Variants in RAI1 observed in about 807,000 individuals in gnomAD.
The protein encoded by RAI1 is retinoic acid-induced protein 1.
A neutral mutation model predicts 123.8 loss-of-function variants in RAI1; 9 were observed. The ratio of observed to expected loss-of-function variants is 0.07; its 90% CI spans 0.04 to 0.13. The LOEUF is 0.13. Ranked by LOEUF, RAI1 falls within the 10% of genes least tolerant of loss-of-function variation. The pLI is 1.00. For missense variants in RAI1, 2,256 were observed against 2,545.8 expected (o/e 0.89, Z 2.45); for synonymous variants, 1,231 against 1,127.3 (o/e 1.09, Z -1.84).
chr17:17,787,561 C>T (rs1201566939), intron 2 of RAI1, among the ~76,000 whole-genome samples: 1 of 152,258 alleles, frequency 6.6e-6, no homozygotes, highest in Non-Finnish European at 1.5e-5. Flanking sequence ...ATGCCTGCAG[C>T]TGCTGTGGAA....
chr17:17,802,035 C>G (rs748785689), intron 3 of RAI1: 1 of 470,418 alleles, frequency 2.1e-6, no homozygotes, highest in South Asian at 1.5e-5. Context: ...ACCCCCCGCC[C>G]CCAGCACGGT....
At position 17,799,697 on chromosome 17, in the gene RAI1, C is replaced by T. The variant is rs942405007; in HGVS notation, c.5565+1184C>T. 2.6e-5 allele frequency among the ~76,000 whole-genome samples: 4 copies of T among 152,200 alleles called. No homozygotes were observed. The highest frequency in any genetic ancestry group is 7.2e-5 in the African/African-American group (3 of 41,446). On this transcript the variant is annotated intron_variant, in intron 3 of 5. Coordinates refer to ENST00000353383, the MANE Select transcript of RAI1 (RefSeq NM_030665.4). The surrounding 1 kb of genome is among the most constrained non-coding windows in gnomAD (Gnocchi z 4.5). Reference sequence around the variant, plus strand: ...GGCTTGGCAGGGGTCTCCAGAGGCCCTGGACAAACACTGCCTGCATCTGAG... The same window carrying T: ...GGCTTGGCAGGGGTCTCCAGAGGCCTTGGACAAACACTGCCTGCATCTGAG...
intron 1 of RAI1, among the ~76,000 whole-genome samples, chr17:17,713,335 C>A (rs2142909089): frequency 6.6e-6 from 1 of 152,120 alleles, no homozygotes; most frequent in East Asian, 1.9e-4. Flanking sequence ...ATAGTGAGAT[C>A]CTGTCTCTAA....
rs191924260 is a variant in RAI1, at chr17:17,708,966, C to T, written c.-148-15062C>T. ...GCACAAAGGGAACAGTTCGTCAGTC[C>T]ACCACGGGCCTTTCCTATCCTCAGT... On this transcript the variant is annotated intron_variant, in intron 1 of 5. Transcript: ENST00000353383. Among the ~76,000 whole-genome samples the T allele has an allele frequency of 2.8e-3, 432 of 152,356 alleles. 2 individuals are homozygous for T. The highest frequency in any genetic ancestry group is 9.6e-3 in the African/African-American group (398 of 41,576).
intron 1 of RAI1, among the ~76,000 whole-genome samples, chr17:17,686,608 T>TGTGTGTGTGCGCGC (rs1491248703): frequency 1.2e-4 from 16 of 137,850 alleles, no homozygotes; most frequent in East Asian, 2.4e-4. Context: ...TGTGTGTGTG[T>TGTGTGTGTGCGCGC]GCACGCGCGC....
rs2032140834 is a variant in RAI1 at position 17,794,200 on chromosome 17, CAGA to C, written c.1255_1257del (p.Lys419del). 8.1e-6 allele frequency: 13 copies of C among 1,613,562 alleles called. No homozygotes were observed. Among genetic ancestry groups the C allele is most frequent in the Non-Finnish European group, 1.0e-5 (12 of 1,180,054 alleles). ...CCAGGCTGGCAACTGCAAGCCCCTT[CAGA>C]AGGACAAGCTCCCTGAGAACCTGCT... On this transcript the variant is annotated inframe_deletion, in exon 3 of 6. Transcript: ENST00000353383.
chr17:17,803,863 C>A lies in RAI1; in HGVS notation c.5659+14C>A. The A allele has an allele frequency of 6.2e-7, 1 of 1,610,280 alleles. No homozygotes were observed. The highest frequency in any genetic ancestry group is 8.5e-7 in the Non-Finnish European group (1 of 1,177,208). ...CCAGCGATGCAGGTACGAGCCCGCC[C>A]AGGAACAGGAGGGCATTGGAGCCCA... On this transcript the variant is annotated intron_variant, in intron 4 of 5. Transcript: ENST00000353383.
chr17:17,766,285 G>C (rs2030927889), intron 2 of RAI1: 1 of 152,362 alleles, frequency 6.6e-6, no homozygotes, highest in East Asian at 1.9e-4. Context: ...GGGTGTCTGG[G>C]AAGCCGAGGG....
At chr17:17,764,583 G>A (rs557744219) in intron 2 of RAI1, among the ~76,000 whole-genome samples, 5 of 149,712 alleles carry the variant, frequency 3.3e-5, no homozygotes, top group Non-Finnish European at 7.4e-5. Context: ...AGCAATTCTC[G>A]TGCCTCGGCC....
Position 17,809,407 on chromosome 17 carries a change from G to A in RAI1, c.5677G>A (p.Glu1893Lys). The A allele has an allele frequency of 6.2e-7, 1 of 1,609,938 alleles. No individual in the cohort carries two copies. The highest frequency in any genetic ancestry group is 8.5e-7 in the Non-Finnish European group (1 of 1,176,328). Reference protein sequence around the residue: ...ASDAGCIFIEENFSLKCPKHK... With the variant: ...ASDAGCIFIEKNFSLKCPKHK... ...GGTCACAGGTTGCATATTCATCGAA[G>A]AGAACTTTTCTTTGAAATGTCCCAA... is the stretch of plus-strand genomic sequence containing the variant. The change falls in exon 5 of 6, where the codon GAG becomes AAG. Residue 1893 changes from glutamate (E) to lysine (K), a missense_variant. Physicochemically the swap from Glu to Lys is moderately conservative, Grantham distance 56. Coordinates refer to ENST00000353383, the MANE Select transcript of RAI1 (RefSeq NM_030665.4). This position sits in a 1 kb window ranked among gnomAD's most constrained non-coding sequence, Gnocchi z 4.9.
At chr17:17,692,924 C>T (rs1448513636) in intron 1 of RAI1, among the ~76,000 whole-genome samples, 1 of 152,192 alleles carries the variant, frequency 6.6e-6, no homozygotes, top group Non-Finnish European at 1.5e-5. Flanking sequence ...TGCAATATCT[C>T]TGTGCCTATC....
Position 17,797,911 on chromosome 17 carries a change from G to A in RAI1, c.4963G>A (p.Gly1655Ser), listed in dbSNP as rs794727522. ...GGCCTCCCTGGCCACACTCCCTGGA[G>A]GCTCCATCCTGCAGCCGCGGCCCTC... ...AGASLATLPGGSILQPRPSLP... is the reference protein window; with the variant it reads ...AGASLATLPGSSILQPRPSLP... Residue 1655 changes from glycine (G) to serine (S), a missense_variant, in exon 3 of 6, where the codon GGC becomes AGC. This residue lies in a region of RAI1 where 410 missense variants were observed against 374.6 expected (regional missense o/e 1.09). Transcript: ENST00000353383. 3 of 1,613,838 alleles carry A rather than the reference G, an allele frequency of 1.9e-6. No homozygotes were observed. In the African/African-American group the frequency reaches 4.0e-5, roughly 22 times the overall value.
chr17:17,687,604 G>T (rs1374650347), intron 1 of RAI1, among the ~76,000 whole-genome samples: 1 of 152,162 alleles, frequency 6.6e-6, no homozygotes, highest in African/African-American at 2.4e-5. Context: ...TCGGGGTAGG[G>T]GAAGGAGCAC....
intron 2 of RAI1, among the ~76,000 whole-genome samples, chr17:17,779,771 CTTTTTT>C (rs35262127): frequency 4.6e-5 from 5 of 107,958 alleles, no homozygotes; most frequent in Admixed American, 9.4e-5. Context: ...CCTCCCCACC[CTTTTTT>C]TTTTTTTTTT....
intron 4 of RAI1, among the ~76,000 whole-genome samples, chr17:17,805,096 C>T (rs1315379798): frequency 6.6e-6 from 1 of 152,030 alleles, no homozygotes; most frequent in East Asian, 1.9e-4. Flanking sequence ...CTCTTGACCT[C>T]GTGATCCGCC....
rs868217057 is a variant in RAI1, at chr17:17,796,990, G to A, written c.4042G>A (p.Ala1348Thr). Residue 1348 changes from alanine (A) to threonine (T), a missense_variant, in exon 3 of 6, where the codon GCG becomes ACG. By Grantham distance (58) the Ala-to-Thr change is moderately conservative. Transcript: ENST00000353383. The surrounding 1 kb of genome is among the most constrained non-coding windows in gnomAD (Gnocchi z 5.8). ...SPSLKKFACK[A>T]PGASPGNPLS... ...CAGCCTCAAGAAGTTCGCATGTAAA[G>A]CGCCAGGGGCCTCTCCTGGTAATCC... is the stretch of plus-strand genomic sequence containing the variant. 1.2e-6 allele frequency: 2 copies of A among 1,613,856 alleles called. No individual in the cohort carries two copies. Among genetic ancestry groups the A allele is most frequent in the African/African-American group, 2.7e-5 (2 of 75,044 alleles).
At chr17:17,787,232 G>T (rs2031855904) in intron 2 of RAI1, among the ~76,000 whole-genome samples, 1 of 152,100 alleles carries the variant, frequency 6.6e-6, no homozygotes, top group African/African-American at 2.4e-5. Flanking sequence ...GTCTTGCTAG[G>T]CCCAGGACTG....
At chr17:17,758,360 C>G (rs1044855861) in intron 2 of RAI1, among the ~76,000 whole-genome samples, 1 of 152,184 alleles carries the variant, frequency 6.6e-6, no homozygotes, top group Non-Finnish European at 1.5e-5. Flanking sequence ...TTTTGGTGAG[C>G]CCTGAAGACC....
At chr17:17,734,273 T>G (rs1450398834) in intron 2 of RAI1, among the ~76,000 whole-genome samples, 3 of 140,578 alleles carry the variant, frequency 2.1e-5, no homozygotes, top group African/African-American at 7.3e-5. Context: ...AGACCCTCTC[T>G]CTACAATTTT....
Sources: gnomAD v4.1 joint callset for allele counts (sites outside exome capture counted in the v4.1 genomes callset) on GRCh38, gnomAD v4.1.1 for gene constraint, gnomAD v4.1.1 regional missense constraint, Gnocchi (gnomAD v3.1) non-coding constraint, MANE v1.5 for transcripts, NCBI Gene and HGNC (gene_info 2026-07-23, HGNC 2026-07-21) for gene names.